Variants in FBXO10 observed in about 807,000 individuals in gnomAD.
The protein encoded by FBXO10 is F-box protein 10.
A neutral mutation model predicts 80.7 loss-of-function variants in FBXO10; 39 were observed. That is an observed-to-expected ratio of 0.48 (90% CI 0.37 to 0.63). FBXO10 has a LOEUF of 0.63. FBXO10 is among the 30% of genes least tolerant of loss of function. The pLI is 0.00. For synonymous variants in FBXO10, 449 were observed against 489.6 expected (o/e 0.92, Z 1.09); for missense variants, 1,025 against 1,269.0 (o/e 0.81, Z 2.92).
chr9:37,519,905 A>G (rs1395715053), intron 8 of FBXO10, among the ~76,000 whole-genome samples: 5 of 136,510 alleles, frequency 3.7e-5, no homozygotes. Context: ...GCAACCTCGA[A>G]CTCTGAGTCC....
intron 1 of FBXO10, among the ~76,000 whole-genome samples, chr9:37,550,308 G>A (rs1354461275): frequency 1.4e-5 from 2 of 146,298 alleles, no homozygotes; most frequent in South Asian, 4.4e-4. Flanking sequence ...TCAGCCTCCT[G>A]AGTAGCTGGT....
rs766571365 is a variant in FBXO10, at chr9:37,537,922, A to G, written c.607T>C (p.Phe203Leu). The G allele has an allele frequency of 1.7e-5, 27 of 1,613,726 alleles. 1 individual carries two copies. The South Asian group carries it at 3.0e-4, about 18-fold the overall frequency. ...CCGTTCTCAAAGTTGCAGTTGTCAA[A>G]CTGGACGTGACCTGATGTTGTCTGG... ...MYKTTSGHVQ[F>L]DNCNFENGHI... The change falls in exon 3 of 11, where the codon TTT becomes CTT. Residue 203 changes from phenylalanine to leucine, a missense_variant. Coordinates refer to ENST00000432825, the MANE Select transcript of FBXO10 (RefSeq NM_012166.3).
Position 37,532,146 on chromosome 9 carries a change from C to G in FBXO10, c.1420-88G>C, listed in dbSNP as rs1821642047. 6 of 1,404,714 alleles carry G rather than the reference C, an allele frequency of 4.3e-6. No individual in the cohort carries two copies. In the South Asian group the frequency reaches 7.7e-5, roughly 18 times the overall value. 87.0% of individuals were successfully genotyped at this position (1,404,714 alleles called of 1,614,324 possible). On this transcript the variant is annotated intron_variant, in intron 3 of 10. Coordinates refer to ENST00000432825, the MANE Select transcript of FBXO10 (RefSeq NM_012166.3). Reference sequence around the variant, plus strand: ...AGGAACACCTGAGTCTTTTCCGCACCACCTGATCCATGCAGTTTACCCCGT... The same window carrying G: ...AGGAACACCTGAGTCTTTTCCGCACGACCTGATCCATGCAGTTTACCCCGT...
intron 3 of FBXO10, among the ~76,000 whole-genome samples, chr9:37,535,262 G>C (rs766237531): frequency 3.9e-5 from 6 of 152,162 alleles, no homozygotes; most frequent in Non-Finnish European, 8.8e-5. Flanking sequence ...ACAGAGCTCA[G>C]TCCCCACTGT....
chr9:37,575,816 A>G (rs1055965058), intron 1 of FBXO10, among the ~76,000 whole-genome samples: 7 of 152,118 alleles, frequency 4.6e-5, no homozygotes, highest in Non-Finnish European at 1.0e-4. Context: ...GCCCAGCCCC[A>G]TATTTGCCCC....
At chr9:37,567,048 A>T (rs1822624573) in intron 1 of FBXO10, among the ~76,000 whole-genome samples, 1 of 152,098 alleles carries the variant, frequency 6.6e-6, no homozygotes, top group African/African-American at 2.4e-5. Flanking sequence ...ACTGATTCTC[A>T]CATAAATTTA....
intron 1 of FBXO10, among the ~76,000 whole-genome samples, chr9:37,565,285 T>A (rs536384831): frequency 6.6e-6 from 1 of 152,310 alleles, no homozygotes; most frequent in African/African-American, 2.4e-5. Context: ...CATGGCAGCG[T>A]GAGCACAGAC....
At chr9:37,515,617 A>T (rs1821160327) in intron 10 of FBXO10, 1 of 291,110 alleles carries the variant, frequency 3.4e-6, no homozygotes. Flanking sequence ...GGATTTTACT[A>T]AGGCTCGAAG....
chr9:37,572,601 TA>T, intron 1 of FBXO10, among the ~76,000 whole-genome samples: 2 of 152,312 alleles, frequency 1.3e-5, no homozygotes, highest in Middle Eastern at 6.8e-3. Flanking sequence ...TTAAAAAACT[TA>T]AAACTATATT....
At chr9:37,516,680 T>C (rs1821184589) in intron 9 of FBXO10, among the ~76,000 whole-genome samples, 1 of 152,096 alleles carries the variant, frequency 6.6e-6, no homozygotes, top group Non-Finnish European at 1.5e-5. Context: ...AGAAATGTGG[T>C]ATAGGCTGGG....
intron 1 of FBXO10, among the ~76,000 whole-genome samples, chr9:37,565,871 T>C (rs1264682818): frequency 6.6e-6 from 1 of 152,144 alleles, no homozygotes; most frequent in Admixed American, 6.5e-5. Context: ...AAGGGGGCTA[T>C]AGCAGAGGAA....
At chr9:37,515,574 G>C (rs907958959) in intron 10 of FBXO10, 19 of 196,124 alleles carry the variant, frequency 9.7e-5, no homozygotes, top group African/African-American at 3.5e-4. Flanking sequence ...CAGCCCCTCA[G>C]AGATTCAGCC....
chr9:37,562,754 A>T (rs1457369172), intron 1 of FBXO10, among the ~76,000 whole-genome samples: 1 of 152,244 alleles, frequency 6.6e-6, no homozygotes, highest in African/African-American at 2.4e-5. Context: ...TGGAATAAAA[A>T]AAGAAGTAAA....
rs1302715411 is a variant in FBXO10 at position 37,525,138 on chromosome 9, T to C, written c.1741A>G (p.Ile581Val). ...NHIFKGRAAG[I>V]AVNENGKGLI... ...CCTTTGCCGTTCTCATTCACTGCTA[T>C]GCCGGCAGCACGGCCCTTGAAGATG... is the stretch of plus-strand genomic sequence containing the variant. Residue 581 changes from isoleucine (I) to valine (V), a missense_variant, in exon 6 of 11, where the codon ATA becomes GTA. Ile to Val is a conservative substitution (Grantham distance 29). Transcript: ENST00000432825. 16 of 1,565,388 alleles carry C rather than the reference T, an allele frequency of 1.0e-5. No individual in the cohort carries two copies. The highest frequency in any genetic ancestry group is 1.4e-5 in the Non-Finnish European group (16 of 1,154,956).
chr9:37,545,239 C>T (rs1384477322), intron 1 of FBXO10, among the ~76,000 whole-genome samples: 5 of 125,340 alleles, frequency 4.0e-5, no homozygotes, highest in South Asian at 2.7e-4. Context: ...TGCAGTGGTG[C>T]GATCTCGGCT....
intron 2 of FBXO10, among the ~76,000 whole-genome samples, chr9:37,538,202 A>G (rs2119117126): frequency 6.6e-6 from 1 of 152,194 alleles, no homozygotes; most frequent in East Asian, 1.9e-4. Flanking sequence ...TGATGGCAGA[A>G]AAGTTCACAC....
chr9:37,565,814 C>T (rs1444842271), intron 1 of FBXO10, among the ~76,000 whole-genome samples: 1 of 152,130 alleles, frequency 6.6e-6, no homozygotes, highest in Non-Finnish European at 1.5e-5. Flanking sequence ...GGTATCTGAA[C>T]TGGACTCTGA....
intron 1 of FBXO10, among the ~76,000 whole-genome samples, chr9:37,559,105 G>C (rs1822411408): frequency 6.6e-6 from 1 of 152,090 alleles, no homozygotes; most frequent in South Asian, 2.1e-4. Context: ...CACCGCGCCT[G>C]GCCGAAAAAA....
intron 5 of FBXO10, among the ~76,000 whole-genome samples, chr9:37,526,391 GA>G (rs1821472843): frequency 6.6e-6 from 1 of 152,018 alleles, no homozygotes; most frequent in Non-Finnish European, 1.5e-5. Flanking sequence ...AGAAACAAAG[GA>G]AAAAAGCACA....
Sources: allele counts gnomAD v4.1 joint callset (sites outside exome capture counted in the v4.1 genomes callset), GRCh38; gene constraint gnomAD v4.1.1; transcripts MANE v1.5; gene names NCBI Gene and HGNC (gene_info 2026-07-23, HGNC 2026-07-21).